SLC2A7: variants seen among roughly 807,000 people sequenced by gnomAD.
SLC2A7 encodes solute carrier family 2, facilitated glucose transporter member 7.
In SLC2A7, 50 loss-of-function variants were observed where a neutral mutation model predicts 50.5. That is an observed-to-expected ratio of 0.99 (90% CI 0.79 to 1.25). The LOEUF is 1.25. Among genes scored for constraint, SLC2A7 ranks in the 50% most tolerant of loss-of-function variants. The pLI, the probability that SLC2A7 is intolerant of heterozygous loss-of-function variation, is 0.00. For synonymous variants in SLC2A7, 308 were observed against 300.4 expected (o/e 1.03, Z -0.26); for missense variants, 683 against 679.1 (o/e 1.01, Z -0.06).
At position 9,008,605 on chromosome 1, in the gene SLC2A7, T is replaced by TTG. The variant is rs1205499114; in HGVS notation, c.1117-1221_1117-1220insCA. On this transcript the variant is annotated intron_variant, in intron 9 of 11. Transcript: ENST00000400906. The surrounding 1 kb of genome is among the most constrained non-coding windows in gnomAD (Gnocchi z 5.9). ...GGTTCTGCTAAGAACTTATATTGGT[T>TTG]TTTTTTTTTTTTAGACAGAATCTCG... 2.7e-5 allele frequency among the ~76,000 whole-genome samples: 4 copies of TTG among 150,864 alleles called. No homozygotes were observed. The highest frequency in any genetic ancestry group is 9.7e-5 in the African/African-American group (4 of 41,032).
At chr1:9,014,933 T>G in intron 6 of SLC2A7, 65 bp from the exon 7 acceptor site, 1 of 1,515,164 alleles carries the variant, frequency 6.6e-7, no homozygotes, top group South Asian at 1.3e-5. Flanking sequence ...CAAGCCCCCA[T>G]GCTGGCCCTG....
chr1:9,007,742 T>C (rs1418657232), intron 9 of SLC2A7, among the ~76,000 whole-genome samples: 1 of 22,732 alleles, frequency 4.4e-5, no homozygotes, highest in East Asian at 4.3e-4. Context: ...CGATTCTTTC[T>C]TTTTTTTTTT....
At chr1:9,018,471 T>A (rs188601279) in intron 4 of SLC2A7, 96 bp from the exon 5 acceptor site, 27 of 1,512,540 alleles carry the variant, frequency 1.8e-5, no homozygotes, top group Non-Finnish European at 1.4e-5. Flanking sequence ...GGCTTCTCCA[T>A]GCTGTCAGCC....
chr1:8,994,146 G>A, the SLC2A7 span, among the ~76,000 whole-genome samples: 2 of 152,250 alleles, frequency 1.3e-5, no homozygotes, highest in South Asian at 4.1e-4. Flanking sequence ...GCCTAACCTG[G>A]CACACCACGC....
rs1322610349 is a variant in SLC2A7 at position 9,004,330 on chromosome 1, C to CT, written c.1320+421dup. ...CCTGGGTGACAGAGCAAGGCCCTGT[C>CT]TAAAAAAAAAAAAAAAAGACTGCTT... is the stretch of plus-strand genomic sequence containing the variant. On this transcript the variant is annotated intron_variant, in intron 11 of 11. Coordinates refer to ENST00000400906, the MANE Select transcript of SLC2A7 (RefSeq NM_207420.3). Among the ~76,000 whole-genome samples, 23 of 64,878 alleles carry CT rather than the reference C, an allele frequency of 3.5e-4. No homozygotes were observed. In the South Asian group the frequency reaches 0.01, roughly 28 times the overall value. 42.6% of individuals were successfully genotyped at this position (64,878 alleles called of 152,430 possible).
chr1:8,992,768 C>T, the SLC2A7 span, among the ~76,000 whole-genome samples: 1 of 152,132 alleles, frequency 6.6e-6, no homozygotes, highest in African/African-American at 2.4e-5. Flanking sequence ...TGTGGTCATC[C>T]TGTCTCGGCT....
Position 9,020,201 on chromosome 1 carries a change from C to T in SLC2A7, c.312-868G>A, listed in dbSNP as rs930851993. ...GAAGCTGGGGAGGGGAGCATTCTAA[C>T]GATCGGAGCTGCCTGCAAAGGGGAG... On this transcript the variant is annotated intron_variant, in intron 3 of 11. Coordinates refer to ENST00000400906, the MANE Select transcript of SLC2A7 (RefSeq NM_207420.3). 7.9e-5 allele frequency among the ~76,000 whole-genome samples: 12 copies of T among 152,076 alleles called. No individual in the cohort carries two copies. In the South Asian group the frequency reaches 8.3e-4, roughly 11 times the overall value.
intron 5 of SLC2A7, among the ~76,000 whole-genome samples, chr1:9,016,768 T>C (rs1344294600): frequency 6.6e-6 from 1 of 152,086 alleles, no homozygotes; most frequent in Non-Finnish European, 1.5e-5. Flanking sequence ...CCTGGGCTTT[T>C]ATTGCTGGCC....
chr1:8,994,177 A>G, the SLC2A7 span, among the ~76,000 whole-genome samples: 1 of 152,144 alleles, frequency 6.6e-6, no homozygotes, highest in Middle Eastern at 3.2e-3. Flanking sequence ...CCGTGAATCC[A>G]AATGAGTGGG....
intron 3 of SLC2A7, among the ~76,000 whole-genome samples, chr1:9,020,826 G>A (rs540928087): frequency 1.3e-5 from 2 of 151,998 alleles, no homozygotes; most frequent in East Asian, 3.9e-4. Flanking sequence ...GAGGGACCTG[G>A]TGGCAGGTCT....
intron 8 of SLC2A7, among the ~76,000 whole-genome samples, chr1:9,012,419 G>T (rs1640762267): frequency 6.6e-6 from 1 of 152,136 alleles, no homozygotes; most frequent in Non-Finnish European, 1.5e-5. Context: ...ACTGGGGATG[G>T]GGCCACAGAA....
At chr1:9,009,004 C>T (rs573233730) in intron 9 of SLC2A7, among the ~76,000 whole-genome samples, 1 of 152,202 alleles carries the variant, frequency 6.6e-6, no homozygotes, top group African/African-American at 2.4e-5. Flanking sequence ...TTGCTTTCCC[C>T]GCAGGCCCTG....
chr1:9,025,065 G>T lies in SLC2A7; in HGVS notation c.61C>A (p.Pro21Thr), dbSNP rs778439809. 1 of 1,613,024 alleles carries T rather than the reference G, an allele frequency of 6.2e-7. No individual in the cohort carries two copies. The highest frequency in any genetic ancestry group is 8.5e-7 in the Non-Finnish European group (1 of 1,179,860). ...PIPSREGRLQ[P>T]TLLLATLSAA... ...CTCAGTGTCGCCAGCAACAGCGTCGGCTGGAGCCGCTGTAGGAGACAAGTC... is the reference window on the plus strand; with the variant it reads ...CTCAGTGTCGCCAGCAACAGCGTCGTCTGGAGCCGCTGTAGGAGACAAGTC... Residue 21 changes from proline (P) to threonine (T), a missense_variant, in exon 2 of 12, where the codon CCG becomes ACG. Physicochemically the swap from Pro to Thr is conservative, Grantham distance 38. Transcript: ENST00000400906.
intron 1 of SLC2A7, among the ~76,000 whole-genome samples, chr1:9,025,659 C>G (rs1386462877): frequency 6.6e-6 from 1 of 152,202 alleles, no homozygotes; most frequent in Non-Finnish European, 1.5e-5. Flanking sequence ...CATTGCTTGC[C>G]TCTGCCTCTA....
At position 9,019,347 on chromosome 1, in the gene SLC2A7, G is replaced by A; in HGVS notation, c.312-14C>T. 6.2e-7 allele frequency: 1 copy of A among 1,613,560 alleles called. No individual in the cohort carries two copies. Among genetic ancestry groups the A allele is most frequent in the Non-Finnish European group, 8.5e-7 (1 of 1,179,686 alleles). ...AGGGTCCCCTTTCTGCAAAGACAGT[G>A]AGCCCAGAGGGCAGGGGTGCGTGGA... On this transcript the variant is annotated splice_polypyrimidine_tract_variant and intron_variant, in intron 3 of 11. Transcript: ENST00000400906.
At chr1:8,998,393 A>G (rs1268320556), downstream of SLC2A7, among the ~76,000 whole-genome samples, 1 of 152,166 alleles carries the variant, frequency 6.6e-6, no homozygotes, top group African/African-American at 2.4e-5. Context: ...CGACAGAGCA[A>G]GATTCCATCT....
intron 10 of SLC2A7, among the ~76,000 whole-genome samples, chr1:9,006,492 C>G (rs1008408501): frequency 7.2e-6 from 1 of 138,032 alleles, no homozygotes; most frequent in Non-Finnish European, 1.6e-5. Flanking sequence ...AAGTGAACAG[C>G]CTGCCTCCCT....
At chr1:9,014,473 GGA>G (rs1436446277) in intron 7 of SLC2A7, among the ~76,000 whole-genome samples, 2 of 152,206 alleles carry the variant, frequency 1.3e-5, no homozygotes, top group African/African-American at 2.4e-5. Context: ...CTGGGGACTG[GGA>G]AACAGAGAAA....
Position 9,013,462 on chromosome 1 carries a change from T to A in SLC2A7, c.1014+63A>T, listed in dbSNP as rs1640779592. Reference sequence around the variant, plus strand: ...CACTCAGTTCACTCTGTGGGGCTCCTGTCTGCCTGGCGGCACCTGGCCAGA... The same window carrying A: ...CACTCAGTTCACTCTGTGGGGCTCCAGTCTGCCTGGCGGCACCTGGCCAGA... On this transcript the variant is annotated intron_variant, in intron 8 of 11. Transcript: ENST00000400906. 3.4e-6 allele frequency: 5 copies of A among 1,451,544 alleles called. No homozygotes were observed. In the South Asian group the frequency reaches 6.0e-5, roughly 17 times the overall value. 89.9% of individuals were successfully genotyped at this position (1,451,544 alleles called of 1,614,324 possible).
Sources: gnomAD v4.1 joint callset for allele counts (sites outside exome capture counted in the v4.1 genomes callset) on GRCh38, gnomAD v4.1.1 for gene constraint, Gnocchi (gnomAD v3.1) non-coding constraint, MANE v1.5 for transcripts, NCBI Gene and HGNC (gene_info 2026-07-23, HGNC 2026-07-21) for gene names.